ARHGAP44: variants seen among roughly 807,000 people sequenced by gnomAD.
ARHGAP44 encodes Rho GTPase activating protein 44.
Under a neutral mutation model 106.8 loss-of-function variants are expected in ARHGAP44, and 43 were observed. The observed-to-expected ratio is 0.40, with a 90% confidence interval of 0.32 to 0.52. ARHGAP44 has a LOEUF of 0.52. Ranked by LOEUF, ARHGAP44 falls within the 20% of genes least tolerant of loss-of-function variation. ARHGAP44 has a pLI of 0.48. For missense variants in ARHGAP44, 866 were observed against 1,050.5 expected (o/e 0.82, Z 2.43); for synonymous variants, 439 against 410.3 (o/e 1.07, Z -0.85).
intron 1 of ARHGAP44, among the ~76,000 whole-genome samples, chr17:12,874,982 T>G (rs2036512311): frequency 3.3e-5 from 5 of 149,834 alleles, no homozygotes; most frequent in Non-Finnish European, 5.9e-5. Context: ...GGATGGAAAA[T>G]GGGGAAGATT....
rs750623514 is a variant in ARHGAP44 at position 12,990,203 on chromosome 17, A to G, written c.*32A>G. 1.3e-6 allele frequency: 2 copies of G among 1,592,468 alleles called. No homozygotes were observed. The highest frequency in any genetic ancestry group is 1.1e-5 in the South Asian group (1 of 90,400). On this transcript the variant is annotated 3_prime_UTR_variant, in exon 21 of 21. Coordinates refer to ENST00000379672, the MANE Select transcript of ARHGAP44 (RefSeq NM_014859.6). Reference sequence around the variant, plus strand: ...ACCGCCCATCCTGCCTCGCGTGTACATACATCACGGGCCCTAGGAACGCCG... The same window carrying G: ...ACCGCCCATCCTGCCTCGCGTGTACGTACATCACGGGCCCTAGGAACGCCG...
intron 1 of ARHGAP44, among the ~76,000 whole-genome samples, chr17:12,855,026 G>T (rs993322516): frequency 1.7e-4 from 25 of 148,274 alleles, no homozygotes; most frequent in Non-Finnish European, 3.7e-4. Context: ...TATGTATATA[G>T]ATATATATAG....
chr17:12,881,828 G>A (rs1464750480), intron 1 of ARHGAP44, among the ~76,000 whole-genome samples: 1 of 151,998 alleles, frequency 6.6e-6, no homozygotes, highest in African/African-American at 2.4e-5. Flanking sequence ...TGAGCAGCTG[G>A]GACTACAGGC....
chr17:12,985,460 C>T (rs1430980163), intron 20 of ARHGAP44: 1 of 152,344 alleles, frequency 6.6e-6, no homozygotes, highest in East Asian at 1.9e-4. Flanking sequence ...ACTCCCCTCC[C>T]TGGCCAATTC....
intron 1 of ARHGAP44, among the ~76,000 whole-genome samples, chr17:12,894,308 G>GGAGAGA (rs57153916): frequency 2.7e-5 from 4 of 147,904 alleles, no homozygotes; most frequent in South Asian, 2.1e-4. Flanking sequence ...AAAGAGAGGG[G>GGAGAGA]GAGAGAGAGA....
At chr17:12,940,447 A>G (rs2038676123) in intron 7 of ARHGAP44, among the ~76,000 whole-genome samples, 1 of 152,190 alleles carries the variant, frequency 6.6e-6, no homozygotes, top group Admixed American at 6.5e-5. Flanking sequence ...AATCTCATGG[A>G]CAACTGAATA....
chr17:12,809,014 T>G (rs1207358697), intron 1 of ARHGAP44, among the ~76,000 whole-genome samples: 2 of 152,342 alleles, frequency 1.3e-5, no homozygotes, highest in Non-Finnish European at 2.9e-5. Flanking sequence ...CTAAATCATC[T>G]CTATCAAGTT....
chr17:12,806,426 A>T (rs1214538187), intron 1 of ARHGAP44, among the ~76,000 whole-genome samples: 1 of 152,194 alleles, frequency 6.6e-6, no homozygotes, highest in Non-Finnish European at 1.5e-5. Context: ...TAGGATGACC[A>T]TCTAATGTAT....
intron 16 of ARHGAP44, among the ~76,000 whole-genome samples, chr17:12,963,349 T>TG (rs202035870): frequency 6.6e-6 from 1 of 151,822 alleles, no homozygotes; most frequent in East Asian, 1.9e-4. Flanking sequence ...CCTGGGTCTC[T>TG]GGAGACAGTC....
chr17:12,875,827 C>T (rs2036538935), intron 1 of ARHGAP44, among the ~76,000 whole-genome samples: 1 of 152,136 alleles, frequency 6.6e-6, no homozygotes, highest in South Asian at 2.1e-4. Flanking sequence ...GCCTGTAATC[C>T]CAGCTACTGG....
chr17:12,975,819 A>AT (rs1046636009), intron 18 of ARHGAP44, among the ~76,000 whole-genome samples: 9 of 145,376 alleles, frequency 6.2e-5, no homozygotes, highest in African/African-American at 2.3e-4. Context: ...AAAAAAAAAG[A>AT]AAAAAAGACA....
Position 12,896,521 on chromosome 17 carries a change from C to T in ARHGAP44, c.198+10C>T, listed in dbSNP as rs373275512. On this transcript the variant is annotated intron_variant, in intron 3 of 20. Transcript: ENST00000379672. ...GGCTGACAAGCGCTCCGTAAGTGCC[C>T]TCCCAGCCCTGGGGAGCTGAAATCT... 1.7e-5 allele frequency: 27 copies of T among 1,583,012 alleles called. No homozygotes were observed. The highest frequency in any genetic ancestry group is 2.1e-5 in the Non-Finnish European group (25 of 1,165,458).
chr17:12,897,395 C>T (rs575268948), intron 3 of ARHGAP44, among the ~76,000 whole-genome samples: 1 of 151,156 alleles, frequency 6.6e-6, no homozygotes, highest in East Asian at 2.0e-4. Flanking sequence ...GCTCCTGCCG[C>T]AGTGCAAAAA....
chr17:12,867,877 C>G (rs1306532533), intron 1 of ARHGAP44, among the ~76,000 whole-genome samples: 2 of 152,168 alleles, frequency 1.3e-5, no homozygotes, highest in Non-Finnish European at 2.9e-5. Context: ...GAAACCAAAA[C>G]TGGGAGTAGA....
intron 3 of ARHGAP44, among the ~76,000 whole-genome samples, chr17:12,897,075 T>A (rs2037227392): frequency 6.6e-6 from 1 of 152,174 alleles, no homozygotes; most frequent in African/African-American, 2.4e-5. Flanking sequence ...CGATTCCATT[T>A]CAACAGTTCT....
rs58820141 is a variant in ARHGAP44, at chr17:12,868,568, T to A, written c.54-26372T>A. Reference sequence around the variant, plus strand: ...AGAGGCTAAAAAGCCAAAAAGTCATTTAAAAAGTCATATATATGCATTTTA... The same window carrying A: ...AGAGGCTAAAAAGCCAAAAAGTCATATAAAAAGTCATATATATGCATTTTA... On this transcript the variant is annotated intron_variant, in intron 1 of 20. Coordinates refer to ENST00000379672, the MANE Select transcript of ARHGAP44 (RefSeq NM_014859.6). Among the ~76,000 whole-genome samples, 27 of 103,296 alleles carry A rather than the reference T, an allele frequency of 2.6e-4. 2 individuals are homozygous for A. The highest frequency in any genetic ancestry group is 4.4e-4 in the Admixed American group (4 of 9,034). 67.8% of individuals were successfully genotyped at this position (103,296 alleles called of 152,430 possible).
At chr17:12,927,026 A>G (rs961714697) in intron 6 of ARHGAP44, among the ~76,000 whole-genome samples, 2 of 152,184 alleles carry the variant, frequency 1.3e-5, no homozygotes, top group East Asian at 1.9e-4. Context: ...TATCACTTGT[A>G]TAGGGTAAAC....
intron 7 of ARHGAP44, among the ~76,000 whole-genome samples, chr17:12,939,158 C>A (rs1173288297): frequency 6.6e-6 from 1 of 152,146 alleles, no homozygotes; most frequent in Non-Finnish European, 1.5e-5. Flanking sequence ...CAAAAGCATT[C>A]ATTTAAGGGA....
At chr17:12,891,662 T>C (rs1443709336) in intron 1 of ARHGAP44, among the ~76,000 whole-genome samples, 1 of 152,196 alleles carries the variant, frequency 6.6e-6, no homozygotes, top group Non-Finnish European at 1.5e-5. Context: ...CACAGGAGTA[T>C]AGTTGAGATG....
Sources: gnomAD v4.1 joint callset for allele counts (sites outside exome capture counted in the v4.1 genomes callset) on GRCh38, gnomAD v4.1.1 for gene constraint, MANE v1.5 for transcripts, NCBI Gene and HGNC (gene_info 2026-07-23, HGNC 2026-07-21) for gene names.